HAGH: variants seen among roughly 807,000 people sequenced by gnomAD.
HAGH encodes the protein hydroxyacylglutathione hydrolase, also known as hydroxyacylglutathione hydrolase, mitochondrial.
A neutral mutation model predicts 35.1 loss-of-function variants in HAGH; 29 were observed. The observed-to-expected ratio is 0.83, with a 90% CI of 0.62 to 1.13. HAGH has a LOEUF of 1.13. Among genes scored for constraint, HAGH ranks in the 50% most tolerant of loss-of-function variants. The probability of loss-of-function intolerance (pLI) is 0.00; values close to 1 mark genes in which losing one functional copy is unlikely to be tolerated. For synonymous variants in HAGH, 225 were observed against 176.1 expected (o/e 1.28, Z -2.20); for missense variants, 478 against 419.6 (o/e 1.14, Z -1.22).
rs1898449932 is a variant in HAGH, at chr16:1,826,715, G to C, written c.73C>G (p.Leu25Val). ...ALGAACARRG[L>V]GPALLGVFCH... Reference sequence around the variant, plus strand: ...CGCACCGCCCCGCCGCACCCACCGAGGCCTCGGCGGGCGCAGGCGGCTCCC... The same window carrying C: ...CGCACCGCCCCGCCGCACCCACCGACGCCTCGGCGGGCGCAGGCGGCTCCC... The change falls in exon 1 of 9, where the codon CTC becomes GTC. Residue 25 changes from leucine to valine, a missense_variant. Leu to Val is a conservative substitution (Grantham distance 32). Coordinates refer to ENST00000397356, the MANE Select transcript of HAGH (RefSeq NM_005326.6). The C allele has an allele frequency of 8.9e-7, 1 of 1,124,284 alleles. No individual in the cohort carries two copies. Among genetic ancestry groups the C allele is most frequent in the Admixed American group, 5.0e-5 (1 of 19,816 alleles). The allele number at this position is 1,124,284 out of a possible 1,614,324, so 69.6% of individuals were successfully genotyped here.
chr16:1,824,537 TC>T (rs1898308335), intron 1 of HAGH, among the ~76,000 whole-genome samples: 1 of 151,814 alleles, frequency 6.6e-6, no homozygotes, highest in Non-Finnish European at 1.5e-5. Context: ...TACCTTCAGT[TC>T]CGCTCTACAC....
chr16:1,810,083 T>TA, intron 7 of HAGH: 1 of 508,344 alleles, frequency 2.0e-6, no homozygotes, highest in South Asian at 2.1e-5. Flanking sequence ...GAGGATCGCT[T>TA]GAGCACAGGT....
At chr16:1,822,464 G>A (rs1398733447) in intron 2 of HAGH, 100 bp from the exon 3 acceptor site, 1 of 920,216 alleles carries the variant, frequency 1.1e-6, no homozygotes, top group Admixed American at 1.7e-5. Flanking sequence ...GACACGCCAT[G>A]AGGGGCCGCT....
intron 1 of HAGH, 194 bp downstream of exon 1, chr16:1,826,518 C>A: frequency 1.0e-6 from 1 of 978,774 alleles, no homozygotes. Flanking sequence ...TAGCGCTTTC[C>A]GCACCCGCGG....
At chr16:1,819,845 C>T (rs1205620379) in intron 4 of HAGH, 52 bp downstream of exon 4, 3 of 1,121,648 alleles carry the variant, frequency 2.7e-6, no homozygotes, top group Admixed American at 3.4e-5. Context: ...ACCCCCCTCC[C>T]CCACGCTCCT....
intron 2 of HAGH, 117 bp from the exon 3 acceptor site, chr16:1,822,481 G>T: frequency 1.3e-6 from 1 of 791,806 alleles, no homozygotes; most frequent in Non-Finnish European, 2.2e-6. Flanking sequence ...CGCTGACATG[G>T]CCCGTCCTGA....
chr16:1,810,334 G>C (rs1596907906), intron 7 of HAGH: 1 of 156,270 alleles, frequency 6.4e-6, no homozygotes, highest in South Asian at 1.9e-4. Flanking sequence ...GAGGACGACA[G>C]GGACGGAGCT....
chr16:1,819,368 G>A (rs574546251), intron 4 of HAGH, 145 bp from the exon 5 acceptor site: 14 of 604,500 alleles, frequency 2.3e-5, no homozygotes, highest in East Asian at 5.5e-5. Context: ...TCCCCACCAC[G>A]GGACTGGGGG....
chr16:1,809,240 A>C lies in HAGH; in HGVS notation c.*43T>G. 2 of 1,365,794 alleles carry C rather than the reference A, an allele frequency of 1.5e-6. No homozygotes were observed. Among genetic ancestry groups the C allele is most frequent in the Non-Finnish European group, 1.0e-6 (1 of 970,846 alleles). 84.6% of individuals were successfully genotyped at this position (1,365,794 alleles called of 1,614,324 possible). On this transcript the variant is annotated 3_prime_UTR_variant, in exon 9 of 9. Transcript: ENST00000397356. ...GGACCAGCAGGAAAGCCAGTTACCT[A>C]AAAGAGCCTAATCCCCAAATCCGCT...
rs190748426 is a variant in HAGH at position 1,818,236 on chromosome 16, G to A, written c.541+879C>T. Among the ~76,000 whole-genome samples the A allele has an allele frequency of 1.9e-3, 288 of 152,216 alleles. 1 individual carries two copies. Among genetic ancestry groups the A allele is most frequent in the African/African-American group, 6.7e-3 (278 of 41,546 alleles). On this transcript the variant is annotated intron_variant, in intron 5 of 8. Transcript: ENST00000397356. Reference sequence around the variant, plus strand: ...AGGGACTCCGTGCTCGCTGCCCTGAGAAGAATCCTAAATCTGAGGTCCCCA... The same window carrying A: ...AGGGACTCCGTGCTCGCTGCCCTGAAAAGAATCCTAAATCTGAGGTCCCCA...
intron 3 of HAGH, among the ~76,000 whole-genome samples, chr16:1,820,540 C>T (rs546401617): frequency 2.0e-5 from 3 of 152,318 alleles, no homozygotes; most frequent in Admixed American, 6.5e-5. Context: ...TGGCCCTAGA[C>T]GCGGCCTGTC....
Position 1,809,292 on chromosome 16 carries a change from G to GTGCAGGGC in HAGH, c.917_918insGCCCTGCA (p.Arg307ProfsTer22), listed in dbSNP as rs758429568. ...AAGGTGCAGGGCGGCCTCAGTCCCGGGGCATCTTGAACTGGTCCTTCTCCC... is the reference window on the plus strand; with the variant it reads ...AAGGTGCAGGGCGGCCTCAGTCCCGGTGCAGGGCGGCATCTTGAACTGGTCCTTCTCCC... On this transcript the variant is annotated frameshift_variant, in exon 9 of 9. Coordinates refer to ENST00000397356, the MANE Select transcript of HAGH (RefSeq NM_005326.6). LOFTEE classifies it high-confidence loss of function. The GTGCAGGGC allele has an allele frequency of 3.7e-6, 6 of 1,608,472 alleles. No homozygotes were observed. Among genetic ancestry groups the GTGCAGGGC allele is most frequent in the Non-Finnish European group, 5.1e-6 (6 of 1,175,768 alleles).
In HAGH at chr16:1,822,044, GGA is replaced by G. The variant is rs1898175172; in HGVS notation, c.314+254_314+255del. 7 of 504,446 alleles carry G rather than the reference GGA, an allele frequency of 1.4e-5. No individual in the cohort carries two copies. The East Asian group carries it at 2.1e-4, about 15-fold the overall frequency. The allele number at this position is 504,446 out of a possible 1,614,324, so 31.2% of individuals were successfully genotyped here. A position where few individuals can be genotyped will look rare whatever the true frequency, so the allele number is the denominator to read the frequency against. Reference sequence around the variant, plus strand: ...CCAGGGCACAAACCCGCATGGCCCAGGAGAGAGCCGGGGGGTGGGGCCTGAGG... The same window carrying G: ...CCAGGGCACAAACCCGCATGGCCCAGGAGAGCCGGGGGGTGGGGCCTGAGG... On this transcript the variant is annotated intron_variant, in intron 3 of 8. Transcript: ENST00000397356.
rs1897650555 is a variant in HAGH at position 1,811,588 on chromosome 16, CTG to C, written c.748-1757_748-1756del. 2.6e-5 allele frequency among the ~76,000 whole-genome samples: 4 copies of C among 152,288 alleles called. No individual in the cohort carries two copies. In the South Asian group the frequency reaches 8.3e-4, roughly 32 times the overall value. ...ATTAGCCAGACGTGGTGGCACATGT[CTG>C]TAATTCCAGCTACTTGGGAGGCTGA... On this transcript the variant is annotated intron_variant, in intron 7 of 8. Coordinates refer to ENST00000397356, the MANE Select transcript of HAGH (RefSeq NM_005326.6).
intron 7 of HAGH, among the ~76,000 whole-genome samples, chr16:1,815,810 G>C (rs1306402356): frequency 6.6e-6 from 1 of 152,150 alleles, no homozygotes; most frequent in Non-Finnish European, 1.5e-5. Context: ...CCTGAAGTCA[G>C]GAGTTCAAGA....
intron 7 of HAGH, among the ~76,000 whole-genome samples, chr16:1,815,656 G>C (rs1897856188): frequency 6.6e-6 from 1 of 152,182 alleles, no homozygotes; most frequent in Admixed American, 6.5e-5. Context: ...TTCCACATCT[G>C]GACTGTGGAG....
intron 7 of HAGH, among the ~76,000 whole-genome samples, chr16:1,811,920 T>A (rs11862094): frequency 5.5e-4 from 83 of 151,186 alleles, no homozygotes; most frequent in African/African-American, 1.9e-3. Flanking sequence ...CCGGGTGTGG[T>A]TGGCACATGC....
rs148679753 is a variant in HAGH at position 1,817,185 on chromosome 16, G to A, written c.628C>T (p.Arg210Trp). The change falls in exon 6 of 9, where the codon CGG (arginine) becomes TGG (tryptophan). Residue 210 changes from arginine to tryptophan, a missense_variant. Physicochemically the swap from Arg to Trp is moderately radical, Grantham distance 101. Transcript: ENST00000397356. ...CTGCCTACTGTGTCCGGGGGGAGCCGGCCCAAGACCTCCAGCAGAGCTTTA... is the reference window on the plus strand; with the variant it reads ...CTGCCTACTGTGTCCGGGGGGAGCCAGCCCAAGACCTCCAGCAGAGCTTTA... ...MCKALLEVLG[R>W]LPPDTRVYCG... The A allele has an allele frequency of 7.9e-5, 127 of 1,609,634 alleles. No individual in the cohort carries two copies. The African/African-American group carries it at 1.4e-3, about 18-fold the overall frequency.
chr16:1,822,156 C>T (rs1428659478), intron 3 of HAGH, 144 bp downstream of exon 3: 2 of 646,326 alleles, frequency 3.1e-6, no homozygotes, highest in African/African-American at 3.6e-5. Context: ...ACGGTGAGTC[C>T]CGGGTCTTTC....
Sources: allele counts gnomAD v4.1 joint callset (sites outside exome capture counted in the v4.1 genomes callset), GRCh38; gene constraint gnomAD v4.1.1; transcripts MANE v1.5; gene names NCBI Gene and HGNC (gene_info 2026-07-23, HGNC 2026-07-21).